The following TAFA1 variants were observed in gnomAD, a reference collection of about 807,000 sequenced individuals.
The protein encoded by TAFA1 is TAFA chemokine like family member 1, also known as chemokine-like protein TAFA-1.
Under a neutral mutation model 18.5 loss-of-function variants are expected in TAFA1, and 4 were observed. That is an observed-to-expected ratio of 0.22 (90% CI 0.11 to 0.49). TAFA1 has a LOEUF of 0.49. Ranked by LOEUF, TAFA1 falls within the 20% of genes least tolerant of loss-of-function variation. TAFA1 has a pLI of 0.98. For synonymous variants in TAFA1, 56 were observed against 55.2 expected (o/e 1.01, Z -0.06); for missense variants, 147 against 169.0 (o/e 0.87, Z 0.72).
intron 2 of TAFA1, among the ~76,000 whole-genome samples, chr3:68,146,228 G>A (rs1302079061): frequency 6.6e-6 from 1 of 152,200 alleles, no homozygotes; most frequent in East Asian, 1.9e-4. Flanking sequence ...GGTCTAAGAT[G>A]GGGGACCCTG....
chr3:68,120,402 C>A (rs1009897695), intron 2 of TAFA1, among the ~76,000 whole-genome samples: 1 of 151,978 alleles, frequency 6.6e-6, no homozygotes, highest in Non-Finnish European at 1.5e-5. Context: ...GTGTACAGCA[C>A]TGCACCTGGC....
At chr3:68,430,961 C>T (rs920712891) in intron 3 of TAFA1, among the ~76,000 whole-genome samples, 1 of 151,924 alleles carries the variant, frequency 6.6e-6, no homozygotes, top group African/African-American at 2.4e-5. Context: ...AACGGCTTCT[C>T]ATTTGGGGTT....
intron 2 of TAFA1, among the ~76,000 whole-genome samples, chr3:68,190,852 T>C (rs2066329382): frequency 6.6e-6 from 1 of 151,838 alleles, no homozygotes; most frequent in Admixed American, 6.6e-5. Flanking sequence ...CCAAGCAAAG[T>C]AATGTGAACT....
At chr3:68,111,650 G>A (rs2065263065) in intron 2 of TAFA1, among the ~76,000 whole-genome samples, 1 of 151,896 alleles carries the variant, frequency 6.6e-6, no homozygotes, top group African/African-American at 2.4e-5. Context: ...ACACTAATCA[G>A]CATTAGATTA....
intron 3 of TAFA1, among the ~76,000 whole-genome samples, chr3:68,511,040 T>C (rs961299603): frequency 2.0e-5 from 3 of 152,192 alleles, no homozygotes; most frequent in African/African-American, 4.8e-5. Context: ...TTGTATTGAT[T>C]TTCCAGAGTA....
At chr3:68,218,052 C>T (rs1049631068) in intron 2 of TAFA1, among the ~76,000 whole-genome samples, 31 of 152,018 alleles carry the variant, frequency 2.0e-4, no homozygotes, top group African/African-American at 7.2e-4. Context: ...ATCTTTATGA[C>T]AAATGGATCT....
intron 2 of TAFA1, among the ~76,000 whole-genome samples, chr3:68,412,288 T>C (rs1282203719): frequency 1.3e-5 from 2 of 152,104 alleles, no homozygotes; most frequent in Non-Finnish European, 2.9e-5. Context: ...GTCTGGGTTC[T>C]GGTCTCAATG....
chr3:68,476,920 A>G (rs529942566), intron 3 of TAFA1, among the ~76,000 whole-genome samples: 1 of 152,312 alleles, frequency 6.6e-6, no homozygotes, highest in Non-Finnish European at 1.5e-5. Context: ...TAACATAAAT[A>G]TTAAAAGGCT....
chr3:68,201,646 G>A (rs919855052), intron 2 of TAFA1, among the ~76,000 whole-genome samples: 106 of 151,710 alleles, frequency 7.0e-4, no homozygotes, highest in African/African-American at 2.4e-3. Flanking sequence ...TTTATCCTTG[G>A]TAACTTTCAT....
chr3:68,298,145 G>C (rs1457097242), intron 2 of TAFA1, among the ~76,000 whole-genome samples: 1 of 152,168 alleles, frequency 6.6e-6, no homozygotes, highest in Non-Finnish European at 1.5e-5. Context: ...CAGTGAGCCT[G>C]TGCCCTCAGT....
rs567310997 is a variant in TAFA1, at chr3:68,108,506, C to T, written c.118+101762C>T. Among the ~76,000 whole-genome samples, 39 of 151,846 alleles carry T rather than the reference C, an allele frequency of 2.6e-4. 1 individual carries two copies. In the South Asian group the frequency reaches 5.8e-3, roughly 23 times the overall value. ...AAGTAGTGAATTAAGCATTATGACA[C>T]ACTCTAGCCACTGGCTACTGTGCCT... On this transcript the variant is annotated intron_variant, in intron 2 of 4. Transcript: ENST00000478136.
At chr3:68,419,631 C>G (rs899105929) in intron 3 of TAFA1, among the ~76,000 whole-genome samples, 3 of 152,110 alleles carry the variant, frequency 2.0e-5, no homozygotes, top group African/African-American at 7.2e-5. Context: ...AAATGAGTCA[C>G]TTGCTTGGTT....
intron 2 of TAFA1, among the ~76,000 whole-genome samples, chr3:68,413,469 C>T (rs936303899): frequency 9.2e-5 from 14 of 152,020 alleles, no homozygotes; most frequent in African/African-American, 2.9e-4. Context: ...TTACTATTAC[C>T]ATTGGTTGCA....
chr3:68,196,439 T>C (rs941284016), intron 2 of TAFA1, among the ~76,000 whole-genome samples: 1 of 151,800 alleles, frequency 6.6e-6, no homozygotes, highest in African/African-American at 2.4e-5. Context: ...ATGTGGGATC[T>C]ATATTTGTTC....
chr3:68,367,698 A>G (rs2069600059), intron 2 of TAFA1, among the ~76,000 whole-genome samples: 1 of 152,152 alleles, frequency 6.6e-6, no homozygotes, highest in Non-Finnish European at 1.5e-5. Flanking sequence ...CCCAGACAAA[A>G]TAAAAGGCTC....
intron 2 of TAFA1, among the ~76,000 whole-genome samples, chr3:68,195,675 T>G (rs1322263340): frequency 6.6e-6 from 1 of 151,648 alleles, no homozygotes; most frequent in African/African-American, 2.4e-5. Flanking sequence ...GTCCACCATG[T>G]TAAGGCTGAG....
At chr3:68,006,383 C>CATTT (rs1704357457) in intron 1 of TAFA1, 1 of 467,908 alleles carries the variant, frequency 2.1e-6, no homozygotes, top group Non-Finnish European at 3.9e-6. Flanking sequence ...TTTATTTTTG[C>CATTT]ATTTTGCCAA....
intron 2 of TAFA1, among the ~76,000 whole-genome samples, chr3:68,219,791 A>G (rs2066707612): frequency 6.6e-6 from 1 of 152,158 alleles, no homozygotes. Context: ...CTCAAGGGAA[A>G]GAGATTTTAC....
chr3:68,336,327 C>G (rs1045806683), intron 2 of TAFA1, among the ~76,000 whole-genome samples: 3 of 152,188 alleles, frequency 2.0e-5, no homozygotes, highest in African/African-American at 7.2e-5. Flanking sequence ...ACTTTGATCT[C>G]TAATTTTCAT....
Sources: gnomAD v4.1 joint callset for allele counts (sites outside exome capture counted in the v4.1 genomes callset) on GRCh38, gnomAD v4.1.1 for gene constraint, MANE v1.5 for transcripts, NCBI Gene and HGNC (gene_info 2026-07-23, HGNC 2026-07-21) for gene names.